KLHL26: variants seen among roughly 807,000 people sequenced by gnomAD.
The protein encoded by KLHL26 is kelch like family member 26.
KLHL26 carries 4 observed loss-of-function variants against 7.1 expected under a neutral mutation model. The observed-to-expected ratio is 0.56, with a 90% CI of 0.28 to 1.28. The LOEUF (loss-of-function observed/expected upper bound fraction) is 1.28. Among genes scored for constraint, KLHL26 ranks in the 50% most tolerant of loss-of-function variants. The pLI is 0.11. For synonymous variants in KLHL26, 465 were observed against 414.1 expected, an observed-to-expected ratio of 1.12 and a Z score of -1.49; for missense variants, 896 against 924.6, an observed-to-expected ratio of 0.97 and a Z score of 0.40.
At position 18,668,463 on chromosome 19, in the gene KLHL26, G is replaced by A. The variant is rs1454339862; in HGVS notation, c.1066G>A (p.Val356Met). ...GGAGGTAGGCTGCAGCCACACGTGC[G>A]TGGCCGTGCTGGACAATTTTGTGTA... ...EMEVGCSHTC[V>M]AVLDNFVYVA... Residue 356 changes from valine (V) to methionine (M), a missense_variant, in exon 3 of 3, where the codon GTG (valine) becomes ATG (methionine). Physicochemically the swap from Val to Met is conservative, Grantham distance 21 (BLOSUM62 1). Coordinates refer to ENST00000300976, the MANE Select transcript of KLHL26 (RefSeq NM_018316.3). The A allele has an allele frequency of 5.6e-6, 9 of 1,610,880 alleles. No individual in the cohort carries two copies. Among genetic ancestry groups the A allele is most frequent in the South Asian group, 3.3e-5 (3 of 91,066 alleles).
rs1172531601 is a variant in KLHL26 at position 18,656,614 on chromosome 19, G to A, written c.84-7647G>A. On this transcript the variant is annotated intron_variant, in intron 1 of 2. Coordinates refer to ENST00000300976, the MANE Select transcript of KLHL26 (RefSeq NM_018316.3). The surrounding 1 kb of genome is among the most constrained non-coding windows in gnomAD (Gnocchi z 4.4). ...GAAGGGGAAGGCCAGGGCCTCCTTC[G>A]CAGGGGTCAGAGGGCATCCATGCAG... is the stretch of plus-strand genomic sequence containing the variant. Among the ~76,000 whole-genome samples the A allele has an allele frequency of 3.3e-5, 5 of 152,066 alleles. No homozygotes were observed. In the East Asian group the frequency reaches 5.8e-4, roughly 18 times the overall value.
chr19:18,660,719 G>A (rs2052384081), intron 1 of KLHL26, among the ~76,000 whole-genome samples: 1 of 152,190 alleles, frequency 6.6e-6, no homozygotes, highest in Admixed American at 6.5e-5. Flanking sequence ...CCCTCCTTGA[G>A]TTCCCCAGGA....
intron 1 of KLHL26, among the ~76,000 whole-genome samples, chr19:18,639,847 G>A (rs1325223525): frequency 6.6e-6 from 1 of 151,900 alleles, no homozygotes; most frequent in East Asian, 1.9e-4. Context: ...ATACAGCCCC[G>A]GGGACATCCT....
chr19:18,669,253 G>T lies in KLHL26; in HGVS notation c.*8G>T. The T allele has an allele frequency of 6.3e-7, 1 of 1,599,564 alleles. No homozygotes were observed. On this transcript the variant is annotated 3_prime_UTR_variant, in exon 3 of 3. Transcript: ENST00000300976. ...GCCGGGACCAGGAGGTAGCCCCCAA[G>T]ACCCCCGGGACCCTGGCCTGACCGC...
chr19:18,649,622 C>G lies in KLHL26; in HGVS notation c.83+12485C>G, dbSNP rs1021284977. On this transcript the variant is annotated intron_variant, in intron 1 of 2. Transcript: ENST00000300976. This position sits in a 1 kb window ranked among gnomAD's most constrained non-coding sequence, Gnocchi z 4.0. Reference sequence around the variant, plus strand: ...AGCCGCTCTCTCCCTGTCCAGCTGTCTGAAGTGGAAGTGGGGGCCAAGCCC... The same window carrying G: ...AGCCGCTCTCTCCCTGTCCAGCTGTGTGAAGTGGAAGTGGGGGCCAAGCCC... Among the ~76,000 whole-genome samples the G allele has an allele frequency of 2.6e-5, 4 of 152,252 alleles. No homozygotes were observed. Among genetic ancestry groups the G allele is most frequent in the African/African-American group, 9.6e-5 (4 of 41,462 alleles).
chr19:18,645,901 G>A lies in KLHL26; in HGVS notation c.83+8764G>A, dbSNP rs188045873. On this transcript the variant is annotated intron_variant, in intron 1 of 2. Coordinates refer to ENST00000300976, the MANE Select transcript of KLHL26 (RefSeq NM_018316.3). ...AGTGTTTGCATGGAAAGTTGTGGCC[G>A]AGACGCTGCGCCCGGTGGGTTTGTC... 8.1e-3 allele frequency among the ~76,000 whole-genome samples: 1,230 copies of A among 152,090 alleles called. 12 individuals are homozygous for A. The highest frequency in any genetic ancestry group is 0.013 in the Non-Finnish European group (884 of 68,000).
At position 18,668,063 on chromosome 19, in the gene KLHL26, C is replaced by G; in HGVS notation, c.666C>G (p.Ala222=). 2 of 1,607,258 alleles carry G rather than the reference C, an allele frequency of 1.2e-6. No homozygotes were observed. Among genetic ancestry groups the G allele is most frequent in the South Asian group, 2.2e-5 (2 of 91,088 alleles). ...FLQSNRLQSC[A]EIDLFRAAVR... is the part of the protein sequence containing the mutation. ...AGAGCAACCGGCTGCAGAGCTGTGC[C>G]GAGATCGACCTGTTCCGCGCGGCCG... The change falls in exon 3 of 3, where the codon GCC becomes GCG. Residue 222 remains alanine (A), a synonymous_variant. Transcript: ENST00000300976.
In KLHL26 at chr19:18,667,938, C is replaced by T. The variant is rs762413416; in HGVS notation, c.541C>T (p.Arg181Ter). ...MATTFSLASL[R>*]ESVDAFTFRH... ...CACCACCTTCAGCCTGGCCTCGCTG[C>T]GAGAGTCGGTGGATGCCTTCACCTT... is the stretch of plus-strand genomic sequence containing the variant. Residue 181 changes from arginine (R) to a stop codon, truncating the protein, a stop_gained, in exon 3 of 3, where the codon CGA (arginine) becomes TGA (stop). Coordinates refer to ENST00000300976, the MANE Select transcript of KLHL26 (RefSeq NM_018316.3). LOFTEE classifies it low-confidence loss of function (END_TRUNC). The T allele has an allele frequency of 8.1e-6, 13 of 1,610,462 alleles. No homozygotes were observed. Among genetic ancestry groups the T allele is most frequent in the South Asian group, 6.6e-5 (6 of 91,096 alleles).
At chr19:18,637,239 G>A in intron 1 of KLHL26, 102 bp downstream of exon 1, 2 of 1,145,976 alleles carry the variant, frequency 1.7e-6, no homozygotes, top group Middle Eastern at 2.4e-4. Context: ...GCCTGGCACG[G>A]CTCGAGGGTC....
chr19:18,657,628 C>T (rs2052348016), intron 1 of KLHL26, among the ~76,000 whole-genome samples: 1 of 152,192 alleles, frequency 6.6e-6, no homozygotes, highest in African/African-American at 2.4e-5. Context: ...GGCTGAGTGT[C>T]CTGGCCTGCT....
At position 18,646,462 on chromosome 19, in the gene KLHL26, C is replaced by T. The variant is rs189397309; in HGVS notation, c.83+9325C>T. Among the ~76,000 whole-genome samples the T allele has an allele frequency of 1.1e-3, 165 of 152,352 alleles. No individual in the cohort carries two copies. Among genetic ancestry groups the T allele is most frequent in the African/African-American group, 3.8e-3 (158 of 41,588 alleles). Reference sequence around the variant, plus strand: ...AAGGAGGATTTTGACCCTTCCAAGACGTGGACTCAAGTCCTTCTCCTGGAA... The same window carrying T: ...AAGGAGGATTTTGACCCTTCCAAGATGTGGACTCAAGTCCTTCTCCTGGAA... On this transcript the variant is annotated intron_variant, in intron 1 of 2. Transcript: ENST00000300976. The surrounding 1 kb of genome is among the most constrained non-coding windows in gnomAD (Gnocchi z 5.0).
chr19:18,651,422 A>G (rs2052254840), intron 1 of KLHL26, among the ~76,000 whole-genome samples: 1 of 152,210 alleles, frequency 6.6e-6, no homozygotes, highest in Non-Finnish European at 1.5e-5. Context: ...CAGCCCAGCA[A>G]TGGGATCTGC....
At chr19:18,666,736 C>G (rs1238907860) in intron 2 of KLHL26, among the ~76,000 whole-genome samples, 1 of 152,170 alleles carries the variant, frequency 6.6e-6, no homozygotes, top group Admixed American at 6.5e-5. Flanking sequence ...GGTGGGGGCT[C>G]CATTCCTGGG....
intron 1 of KLHL26, among the ~76,000 whole-genome samples, chr19:18,640,363 G>A (rs998628738): frequency 6.6e-6 from 1 of 151,714 alleles, no homozygotes; most frequent in Non-Finnish European, 1.5e-5. Context: ...AGCCTTCCAA[G>A]TAGCTGGTAG....
At chr19:18,657,649 G>A (rs534908152) in intron 1 of KLHL26, among the ~76,000 whole-genome samples, 3 of 152,312 alleles carry the variant, frequency 2.0e-5, no homozygotes, top group South Asian at 2.1e-4. Context: ...GGGACACTGC[G>A]GTGGGGCCCT....
intron 2 of KLHL26, among the ~76,000 whole-genome samples, chr19:18,666,086 G>A (rs1045028992): frequency 1.3e-5 from 2 of 152,246 alleles, no homozygotes; most frequent in Non-Finnish European, 2.9e-5. Flanking sequence ...CCCTCCTGTC[G>A]CCTGCGACCG....
rs949172381 is a variant in KLHL26, at chr19:18,668,550, C to T, written c.1153C>T (p.Arg385Cys). The T allele has an allele frequency of 4.4e-6, 7 of 1,593,636 alleles. No individual in the cohort carries two copies. The highest frequency in any genetic ancestry group is 6.0e-6 in the Non-Finnish European group (7 of 1,173,876). ...CGAGGGCGCAGTGGACGCCTGCTAC[C>T]GCTACGACCCCCACCTGAATCGCTG... is the stretch of plus-strand genomic sequence containing the variant. ...SGEGAVDACY[R>C]YDPHLNRWLR... The change falls in exon 3 of 3, where the codon CGC (arginine) becomes TGC (cysteine). Residue 385 changes from arginine to cysteine, a missense_variant. Coordinates refer to ENST00000300976, the MANE Select transcript of KLHL26 (RefSeq NM_018316.3).
At position 18,650,657 on chromosome 19, in the gene KLHL26, G is replaced by A. The variant is rs2052242829; in HGVS notation, c.83+13520G>A. ...TGACGGGTGATGTTTTCCTCGCCAA[G>A]GCTGATGGCACCGGGCCCCTTTGCC... is the stretch of plus-strand genomic sequence containing the variant. On this transcript the variant is annotated intron_variant, in intron 1 of 2. Transcript: ENST00000300976. This position sits in a 1 kb window ranked among gnomAD's most constrained non-coding sequence, Gnocchi z 4.2. Among the ~76,000 whole-genome samples the A allele has an allele frequency of 6.6e-6, 1 of 152,200 alleles. No homozygotes were observed. The highest frequency in any genetic ancestry group is 2.4e-5 in the African/African-American group (1 of 41,456).
intron 1 of KLHL26, among the ~76,000 whole-genome samples, chr19:18,660,735 T>C (rs2145401938): frequency 1.3e-5 from 2 of 152,236 alleles, no homozygotes; most frequent in Middle Eastern, 6.8e-3. Context: ...CAGGAGGGGC[T>C]GCAGTGGGGT....
Sources: allele counts gnomAD v4.1 joint callset (sites outside exome capture counted in the v4.1 genomes callset), GRCh38; gene constraint gnomAD v4.1.1; non-coding constraint Gnocchi (gnomAD v3.1); transcripts MANE v1.5; gene names NCBI Gene and HGNC (gene_info 2026-07-23, HGNC 2026-07-21).